The following AIG1 variants were observed in gnomAD, a reference collection of about 807,000 sequenced individuals.
AIG1 encodes androgen induced 1.
A neutral mutation model predicts 31.4 loss-of-function variants in AIG1; 23 were observed. The ratio of observed to expected loss-of-function variants is 0.73; its 90% CI spans 0.53 to 1.04. AIG1 has a LOEUF of 1.04. Ranked by LOEUF, AIG1 falls within the 50% of genes least tolerant of loss-of-function variation. The pLI, the probability that AIG1 is intolerant of heterozygous loss-of-function variation, is 0.00. For synonymous variants in AIG1, 100 were observed against 110.5 expected (o/e 0.90, Z 0.60); for missense variants, 274 against 295.0 (o/e 0.93, Z 0.52).
intron 4 of AIG1, among the ~76,000 whole-genome samples, chr6:143,321,929 A>T (rs1256901038): frequency 2.0e-5 from 3 of 152,152 alleles, no homozygotes; most frequent in African/African-American, 7.2e-5. Context: ...TACTTCATAG[A>T]CTGCTGTATT....
At chr6:143,245,877 G>A (rs1583612453) in intron 3 of AIG1, among the ~76,000 whole-genome samples, 1 of 152,244 alleles carries the variant, frequency 6.6e-6, no homozygotes, top group Non-Finnish European at 1.5e-5. Flanking sequence ...AAGACATATG[G>A]GTGTGTGTTC....
At chr6:143,309,952 C>T (rs1775131648) in intron 4 of AIG1, among the ~76,000 whole-genome samples, 1 of 151,876 alleles carries the variant, frequency 6.6e-6, no homozygotes, top group Admixed American at 6.6e-5. Context: ...GGGACATAAT[C>T]TTTAATGTAT....
intron 1 of AIG1, among the ~76,000 whole-genome samples, chr6:143,074,480 A>C (rs1027499886): frequency 1.2e-4 from 18 of 152,220 alleles, no homozygotes; most frequent in Admixed American, 1.2e-3. Flanking sequence ...TAGTTTTTCC[A>C]GCACCATTTA....
chr6:143,262,855 A>C (rs1471644906), intron 3 of AIG1, among the ~76,000 whole-genome samples: 1 of 152,196 alleles, frequency 6.6e-6, no homozygotes, highest in Non-Finnish European at 1.5e-5. Context: ...AATGGTGGTC[A>C]GTTTTTCAAA....
intron 1 of AIG1, among the ~76,000 whole-genome samples, chr6:143,115,855 G>T (rs1191151504): frequency 6.6e-6 from 1 of 152,192 alleles, no homozygotes; most frequent in Non-Finnish European, 1.5e-5. Context: ...TGTACTGGCT[G>T]TGTCCTGAAT....
intron 3 of AIG1, among the ~76,000 whole-genome samples, chr6:143,223,678 A>T (rs925782089): frequency 2.0e-5 from 3 of 152,208 alleles, no homozygotes; most frequent in African/African-American, 7.2e-5. Flanking sequence ...GAATGTAGCT[A>T]GTAATTTTGA....
At chr6:143,118,868 C>CTTTTTTT (rs1272273294) in intron 1 of AIG1, among the ~76,000 whole-genome samples, 27 of 135,142 alleles carry the variant, frequency 2.0e-4, no homozygotes, top group African/African-American at 6.8e-4. Context: ...AAAGAATTTT[C>CTTTTTTT]TTTTTTTTTT....
chr6:143,082,001 C>T (rs1398370912), intron 1 of AIG1, among the ~76,000 whole-genome samples: 1 of 152,070 alleles, frequency 6.6e-6, no homozygotes. Context: ...GTAAGACTGC[C>T]ATCTCTTTAG....
chr6:143,307,865 C>A (rs1349068479), intron 4 of AIG1, among the ~76,000 whole-genome samples: 1 of 152,258 alleles, frequency 6.6e-6, no homozygotes, highest in African/African-American at 2.4e-5. Context: ...CCACCCAGTT[C>A]AAGCTTCCCA....
In AIG1 at chr6:143,327,409, G is replaced by T; in HGVS notation, c.516-5873G>T. The T allele has an allele frequency of 5.9e-6, 2 of 340,736 alleles. No individual in the cohort carries two copies. Among genetic ancestry groups the T allele is most frequent in the South Asian group, 5.6e-5 (2 of 35,456 alleles). The allele number at this position is 340,736 out of a possible 1,614,324, so 21.1% of individuals were successfully genotyped here. On this transcript the variant is annotated intron_variant, in intron 4 of 5. Transcript: ENST00000357847. This position sits in a 1 kb window ranked among gnomAD's most constrained non-coding sequence, Gnocchi z 5.3. ...TGGGCTTCAAGAAGTCTGCCCCTTG[G>T]GCACTCAAAGAGATCTGGAAATTTG...
At chr6:143,234,379 C>A (rs144324750) in intron 3 of AIG1, among the ~76,000 whole-genome samples, 1 of 152,154 alleles carries the variant, frequency 6.6e-6, no homozygotes, top group Admixed American at 6.5e-5. Context: ...TGCCTTCTTT[C>A]AGAAATAGAT....
intron 1 of AIG1, among the ~76,000 whole-genome samples, chr6:143,078,360 G>A (rs865849368): frequency 6.6e-6 from 1 of 152,254 alleles, no homozygotes; most frequent in Middle Eastern, 3.4e-3. Context: ...TCCTTTTGGG[G>A]TTGACATCTG....
At position 143,333,585 on chromosome 6, in the gene AIG1, CT is replaced by C. The variant is rs1437641333; in HGVS notation, c.679+141del. ...CCTATAAAGAGCTCCATTTTTAAAA[CT>C]ACAATATGAATTTAAGAGCTGCTGA... On this transcript the variant is annotated intron_variant, in intron 5 of 5. Transcript: ENST00000357847. This position sits in a 1 kb window ranked among gnomAD's most constrained non-coding sequence, Gnocchi z 4.6. 2.5e-6 allele frequency: 2 copies of C among 809,326 alleles called. No homozygotes were observed. The highest frequency in any genetic ancestry group is 7.6e-5 in the Admixed American group (2 of 26,476). 50.1% of individuals were successfully genotyped at this position (809,326 alleles called of 1,614,324 possible). A position where few individuals can be genotyped will look rare whatever the true frequency, so the allele number is the denominator to read the frequency against.
At chr6:143,123,205 G>A (rs1782388798) in intron 1 of AIG1, among the ~76,000 whole-genome samples, 1 of 152,116 alleles carries the variant, frequency 6.6e-6, no homozygotes, top group South Asian at 2.1e-4. Context: ...TCTGTAATTG[G>A]TAAATATGCA....
At chr6:143,162,464 C>T (rs1225836436) in intron 2 of AIG1, among the ~76,000 whole-genome samples, 1 of 152,206 alleles carries the variant, frequency 6.6e-6, no homozygotes, top group Non-Finnish European at 1.5e-5. Flanking sequence ...AGGAAGAACA[C>T]AGTGGGAGCC....
chr6:143,269,931 T>G (rs1796394572), intron 3 of AIG1, among the ~76,000 whole-genome samples: 1 of 152,208 alleles, frequency 6.6e-6, no homozygotes. Flanking sequence ...TTTGTTGATT[T>G]TTCTGGACAC....
rs140740622 is a variant in AIG1, at chr6:143,172,708, T to A, written c.399+7525T>A. On this transcript the variant is annotated intron_variant, in intron 3 of 5. Transcript: ENST00000357847. ...AGTCTGTCTGGCCCTGGACTTTTTT[T>A]GTTGGTAGCTTTTTATTACCATTTC... 9.9e-3 allele frequency among the ~76,000 whole-genome samples: 1,509 copies of A among 152,276 alleles called. 21 individuals are homozygous for A. The highest frequency in any genetic ancestry group is 0.035 in the African/African-American group (1,442 of 41,542).
intron 3 of AIG1, among the ~76,000 whole-genome samples, chr6:143,219,297 G>T (rs1792275253): frequency 6.6e-6 from 1 of 152,110 alleles, no homozygotes; most frequent in Non-Finnish European, 1.5e-5. Context: ...TGAGGCTCAG[G>T]TTCCTTATCT....
chr6:143,310,470 A>G (rs1775175779), intron 4 of AIG1, among the ~76,000 whole-genome samples: 1 of 151,850 alleles, frequency 6.6e-6, no homozygotes, highest in South Asian at 2.1e-4. Context: ...ATAACTCACC[A>G]AAATTTTTGA....
Sources: allele counts gnomAD v4.1 joint callset (sites outside exome capture counted in the v4.1 genomes callset), GRCh38; gene constraint gnomAD v4.1.1; non-coding constraint Gnocchi (gnomAD v3.1); transcripts MANE v1.5; gene names NCBI Gene and HGNC (gene_info 2026-07-23, HGNC 2026-07-21).